The following GRK4 variants were observed in gnomAD, a reference collection of about 807,000 sequenced individuals.
GRK4 encodes the protein G protein-coupled receptor kinase 2-like.
GRK4 carries 73 observed loss-of-function variants against 77.9 expected under a neutral mutation model. That is an observed-to-expected ratio of 0.94 (90% CI 0.78 to 1.14). The LOEUF (loss-of-function observed/expected upper bound fraction) is 1.14. Ranked by LOEUF, GRK4 falls within the 50% of genes most tolerant of loss-of-function variation. The probability of loss-of-function intolerance (pLI) is 0.00; values close to 1 mark genes in which losing one functional copy is unlikely to be tolerated. For synonymous variants in GRK4, 257 were observed against 254.4 expected (o/e 1.01, Z -0.10); for missense variants, 729 against 700.2 (o/e 1.04, Z -0.46).
intron 10 of GRK4, among the ~76,000 whole-genome samples, chr4:3,023,541 T>C (rs1224638219): frequency 6.6e-6 from 1 of 152,198 alleles, no homozygotes; most frequent in Non-Finnish European, 1.5e-5. Context: ...ATCTAATTCA[T>C]GTATGACACC....
chr4:3,010,256 C>T (rs140544581), intron 7 of GRK4, among the ~76,000 whole-genome samples: 3,017 of 152,052 alleles, frequency 0.02, 98 homozygotes, highest in African/African-American at 0.068. Context: ...GATGGAGTTT[C>T]GCTCTTGTTG....
intron 9 of GRK4, among the ~76,000 whole-genome samples, chr4:3,021,125 C>T (rs1735964365): frequency 6.6e-6 from 1 of 152,164 alleles, no homozygotes; most frequent in Non-Finnish European, 1.5e-5. Flanking sequence ...CTTTGTGATG[C>T]AGCTCCCCAC....
intron 1 of GRK4, among the ~76,000 whole-genome samples, chr4:2,970,602 G>A (rs1433693500): frequency 6.6e-6 from 1 of 150,940 alleles, no homozygotes; most frequent in African/African-American, 2.4e-5. Context: ...AGGTTGCAGT[G>A]AGCCGAGATC....
chr4:3,009,746 T>G, intron 7 of GRK4, 35 bp downstream of exon 7: 3 of 1,533,688 alleles, frequency 2.0e-6, no homozygotes, highest in Non-Finnish European at 2.7e-6. Flanking sequence ...GCAGCGCTGC[T>G]AGCTGGGTGG....
intron 13 of GRK4, among the ~76,000 whole-genome samples, chr4:3,036,849 T>G (rs1463708742): frequency 6.6e-6 from 1 of 152,046 alleles, no homozygotes; most frequent in Non-Finnish European, 1.5e-5. Context: ...TTGCCAGGAG[T>G]GCACCAAGAA....
chr4:3,037,044 GGTGTGT>G lies in GRK4; in HGVS notation c.1408-309_1408-304del, dbSNP rs1271637092. On this transcript the variant is annotated intron_variant, in intron 13 of 15. Coordinates refer to ENST00000398052, the MANE Select transcript of GRK4 (RefSeq NM_182982.3). Reference sequence around the variant, plus strand: ...AGGAGAAGGGCATGGCCTCAGGAGGGGTGTGTGTGTGTGTGTGTGTGTGTGTATGTG... The same window carrying G: ...AGGAGAAGGGCATGGCCTCAGGAGGGGTGTGTGTGTGTGTGTGTGTATGTG... Among the ~76,000 whole-genome samples the G allele has an allele frequency of 4.6e-3, 664 of 144,368 alleles. 6 individuals carry two copies. Among genetic ancestry groups the G allele is most frequent in the African/African-American group, 0.016 (595 of 38,212 alleles). The allele number at this position is 144,368 out of a possible 152,430, so 94.7% of individuals were successfully genotyped here.
intron 12 of GRK4, among the ~76,000 whole-genome samples, chr4:3,033,235 G>GA (rs1739639760): frequency 2.0e-5 from 3 of 152,080 alleles, no homozygotes; most frequent in South Asian, 2.1e-4. Flanking sequence ...AAGAAAGAAA[G>GA]AAAGAAAAGA....
chr4:2,978,856 G>A lies in GRK4; in HGVS notation c.53-5657G>A, dbSNP rs772459211. 4.3e-4 allele frequency among the ~76,000 whole-genome samples: 65 copies of A among 152,188 alleles called. 1 individual carries two copies. The highest frequency in any genetic ancestry group is 2.9e-4 in the Non-Finnish European group (20 of 68,028). ...GCCTGTAATCCCAGCACTTTGGGAG[G>A]CCGAGGTGGGCGGATCTCCTGAGTT... On this transcript the variant is annotated intron_variant, in intron 1 of 15. Transcript: ENST00000398052.
At chr4:2,974,776 C>T (rs185823601) in intron 1 of GRK4, among the ~76,000 whole-genome samples, 20 of 152,256 alleles carry the variant, frequency 1.3e-4, no homozygotes, top group African/African-American at 4.3e-4. Flanking sequence ...ACCTGTCACC[C>T]GAGTGGTACA....
Position 3,019,735 on chromosome 4 carries a change from T to A in GRK4, c.836T>A (p.Leu279Gln). The A allele has an allele frequency of 6.2e-7, 1 of 1,614,244 alleles. No individual in the cohort carries two copies. The highest frequency in any genetic ancestry group is 8.5e-7 in the Non-Finnish European group (1 of 1,180,044). The change falls in exon 9 of 16, where the codon CTG becomes CAG. Residue 279 changes from leucine (L) to glutamine (Q), a missense_variant. By Grantham distance (113) the Leu-to-Gln change is moderately radical (BLOSUM62 -2). Coordinates refer to ENST00000398052, the MANE Select transcript of GRK4 (RefSeq NM_182982.3). ...GATTTGAAGTTTCACATTTACAACCTGGGCAATCCCGGCTTTGATGAGCAG... is the reference window on the plus strand; with the variant it reads ...GATTTGAAGTTTCACATTTACAACCAGGGCAATCCCGGCTTTGATGAGCAG... ...GGDLKFHIYN[L>Q]GNPGFDEQRA...
At chr4:3,011,016 T>C (rs1389445508) in intron 7 of GRK4, among the ~76,000 whole-genome samples, 2 of 152,198 alleles carry the variant, frequency 1.3e-5, no homozygotes, top group Non-Finnish European at 2.9e-5. Context: ...AATCCCTCCA[T>C]GATAGATATT....
chr4:2,996,106 G>A (rs562426367), intron 4 of GRK4, among the ~76,000 whole-genome samples: 24 of 151,778 alleles, frequency 1.6e-4, no homozygotes, highest in African/African-American at 5.3e-4. Flanking sequence ...GCCAGCATCT[G>A]GCAAGGGCCT....
rs756738529 is a variant in GRK4 at position 3,024,853 on chromosome 4, G to A, written c.970+2402G>A. Among the ~76,000 whole-genome samples, 3 of 152,048 alleles carry A rather than the reference G, an allele frequency of 2.0e-5. No homozygotes were observed. In the East Asian group the frequency reaches 5.8e-4, roughly 29 times the overall value. ...AGCCTGGGCGACAGAGTGAGACTCC[G>A]TCTCAAAAAACAAACAAACAAACAA... On this transcript the variant is annotated intron_variant, in intron 10 of 15. Coordinates refer to ENST00000398052, the MANE Select transcript of GRK4 (RefSeq NM_182982.3).
At chr4:3,031,383 A>C (rs1018872902) in intron 12 of GRK4, among the ~76,000 whole-genome samples, 1 of 152,228 alleles carries the variant, frequency 6.6e-6, no homozygotes, top group African/African-American at 2.4e-5. Flanking sequence ...CAACAGCATC[A>C]AGAGCCCATG....
At chr4:3,000,309 A>T (rs1187724631) in intron 4 of GRK4, among the ~76,000 whole-genome samples, 1 of 152,136 alleles carries the variant, frequency 6.6e-6, no homozygotes, top group African/African-American at 2.4e-5. Flanking sequence ...TAATATAAAA[A>T]TTTTCTATGA....
intron 9 of GRK4, among the ~76,000 whole-genome samples, chr4:3,020,757 C>T (rs917820154): frequency 4.0e-5 from 6 of 149,654 alleles, no homozygotes; most frequent in East Asian, 2.0e-4. Flanking sequence ...AGCTGTGAAT[C>T]GAAAATATTC....
At chr4:3,029,750 C>T (rs1208501918) in intron 12 of GRK4, among the ~76,000 whole-genome samples, 1 of 150,968 alleles carries the variant, frequency 6.6e-6, no homozygotes, top group Non-Finnish European at 1.5e-5. Context: ...AGGAGGCTCA[C>T]GTCAACCTGT....
intron 8 of GRK4, 67 bp from the exon 9 acceptor site, chr4:3,019,574 C>A: frequency 1.6e-6 from 2 of 1,253,932 alleles, no homozygotes; most frequent in Non-Finnish European, 2.3e-6. Context: ...ATATTATTAG[C>A]AAATAGAGGA....
intron 15 of GRK4, among the ~76,000 whole-genome samples, chr4:3,039,355 G>A (rs1477095013): frequency 6.6e-6 from 1 of 152,056 alleles, no homozygotes; most frequent in African/African-American, 2.4e-5. Flanking sequence ...TGTTCCCAGG[G>A]GGTTGATTCA....
Sources: allele counts gnomAD v4.1 joint callset (sites outside exome capture counted in the v4.1 genomes callset), GRCh38; gene constraint gnomAD v4.1.1; transcripts MANE v1.5; gene names NCBI Gene and HGNC (gene_info 2026-07-23, HGNC 2026-07-21).